The following RBM27 variants were observed in gnomAD, a reference collection of about 807,000 sequenced individuals.
The protein encoded by RBM27 is RNA binding motif protein 27, also known as RNA-binding protein 27.
Under a neutral mutation model 135.3 loss-of-function variants are expected in RBM27, and 22 were observed. The ratio of observed to expected loss-of-function variants is 0.16; its 90% CI spans 0.12 to 0.23. The LOEUF (loss-of-function observed/expected upper bound fraction) is 0.23. RBM27 is among the 10% of genes least tolerant of loss of function. RBM27 has a pLI of 1.00. For missense variants in RBM27, 1,009 were observed against 1,281.0 expected (o/e 0.79, Z 3.24); for synonymous variants, 481 against 442.4 (o/e 1.09, Z -1.10).
rs1465138631 is a variant in RBM27 at position 146,286,619 on chromosome 5, A to G, written c.*589A>G. ...TTTTTATGTGTGGTAGTACTAGTTC[A>G]GTGAAAATCACAACAAACTGTGTGT... On this transcript the variant is annotated 3_prime_UTR_variant, in exon 21 of 21. Coordinates refer to ENST00000265271, the MANE Select transcript of RBM27 (RefSeq NM_018989.2). The G allele has an allele frequency of 6.6e-6, 1 of 151,730 alleles. No individual in the cohort carries two copies. The highest frequency in any genetic ancestry group is 1.5e-5 in the Non-Finnish European group (1 of 68,020). The allele number at this position is 151,730 out of a possible 1,614,324, so 9.4% of individuals were successfully genotyped here.
chr5:146,265,373 A>G (rs572723266), intron 14 of RBM27, among the ~76,000 whole-genome samples: 3 of 152,316 alleles, frequency 2.0e-5, no homozygotes, highest in South Asian at 4.1e-4. Context: ...TGGTGTGAAA[A>G]AGTAGAGGCA....
At chr5:146,278,862 C>T (rs1466437073) in intron 19 of RBM27, among the ~76,000 whole-genome samples, 1 of 151,810 alleles carries the variant, frequency 6.6e-6, no homozygotes, top group Non-Finnish European at 1.5e-5. Context: ...GCTGGGACTA[C>T]AGGCACTCGC....
chr5:146,257,058 G>T (rs752909347), intron 10 of RBM27, among the ~76,000 whole-genome samples: 2 of 152,138 alleles, frequency 1.3e-5, no homozygotes, highest in South Asian at 4.1e-4. Context: ...CAAGGATCAC[G>T]TCTATTTTAT....
At chr5:146,263,736 A>G in intron 14 of RBM27, 105 bp downstream of exon 14, 1 of 1,317,822 alleles carries the variant, frequency 7.6e-7, no homozygotes, top group Non-Finnish European at 1.0e-6. Context: ...CAGTTAACCT[A>G]AGTGTGGCAG....
At chr5:146,271,697 G>A (rs747898553) in intron 19 of RBM27, 23 bp downstream of exon 19, 56 of 1,578,448 alleles carry the variant, frequency 3.5e-5, no homozygotes, top group Non-Finnish European at 4.7e-5. Flanking sequence ...AATAGCAAAT[G>A]CTAACTGTAA....
rs1374539534 is a variant in RBM27, at chr5:146,286,234, A to G, written c.*204A>G. 8 of 453,782 alleles carry G rather than the reference A, an allele frequency of 1.8e-5. No individual in the cohort carries two copies. The highest frequency in any genetic ancestry group is 3.1e-5 in the Non-Finnish European group (8 of 259,916). The allele number at this position is 453,782 out of a possible 1,614,324, so 28.1% of individuals were successfully genotyped here. ...GCACCAAAGGCCTAGTGACTTTTAC[A>G]CAGTTGTGAAGATCCACAGCAATGA... is the stretch of plus-strand genomic sequence containing the variant. On this transcript the variant is annotated 3_prime_UTR_variant, in exon 21 of 21. Transcript: ENST00000265271.
chr5:146,238,548 C>A (rs947591288), intron 8 of RBM27, among the ~76,000 whole-genome samples: 2 of 152,006 alleles, frequency 1.3e-5, no homozygotes, highest in African/African-American at 4.8e-5. Context: ...AATCCTAATT[C>A]TCTTTTGTTT....
intron 14 of RBM27, among the ~76,000 whole-genome samples, chr5:146,264,347 C>T (rs1348776053): frequency 6.6e-6 from 1 of 151,782 alleles, no homozygotes; most frequent in African/African-American, 2.4e-5. Context: ...CCATGCCCAG[C>T]TGATTTTGTA....
At chr5:146,232,045 G>A (rs1756956209) in intron 6 of RBM27, among the ~76,000 whole-genome samples, 2 of 152,112 alleles carry the variant, frequency 1.3e-5, no homozygotes, top group Non-Finnish European at 2.9e-5. Flanking sequence ...TTTTTATTAT[G>A]GAAGTATTTA....
chr5:146,229,636 A>G, intron 4 of RBM27, 81 bp from the exon 5 acceptor site: 1 of 1,189,804 alleles, frequency 8.4e-7, no homozygotes. Flanking sequence ...GGATGACTCA[A>G]GAGTAGTATT....
intron 19 of RBM27, among the ~76,000 whole-genome samples, chr5:146,284,096 A>G (rs539166392): frequency 1.3e-5 from 2 of 152,314 alleles, no homozygotes; most frequent in African/African-American, 4.8e-5. Context: ...AGTATTAGGC[A>G]TTTGTTTAAT....
chr5:146,221,030 A>G (rs2126716133), intron 2 of RBM27, among the ~76,000 whole-genome samples: 1 of 152,148 alleles, frequency 6.6e-6, no homozygotes, highest in South Asian at 2.1e-4. Context: ...ATCCTGGCTA[A>G]CAGGGTGAAA....
At chr5:146,207,638 G>T (rs1755748403) in intron 1 of RBM27, among the ~76,000 whole-genome samples, 1 of 150,926 alleles carries the variant, frequency 6.6e-6, no homozygotes, top group Non-Finnish European at 1.5e-5. Flanking sequence ...TGAAACATAT[G>T]CATGTAACGG....
At chr5:146,259,504 CAAAAA>C (rs35438348) in intron 11 of RBM27, among the ~76,000 whole-genome samples, 23 of 61,646 alleles carry the variant, frequency 3.7e-4, no homozygotes, top group African/African-American at 1.5e-3. Context: ...AACTCTGTCT[CAAAAA>C]AAAAAAAAAA....
intron 7 of RBM27, among the ~76,000 whole-genome samples, chr5:146,234,231 A>G (rs1757068035): frequency 1.3e-5 from 2 of 152,204 alleles, no homozygotes; most frequent in South Asian, 4.1e-4. Flanking sequence ...GAAATTTTCC[A>G]GTCTTTAAGG....
At chr5:146,241,735 A>T (rs955584843) in intron 8 of RBM27, among the ~76,000 whole-genome samples, 37 of 152,134 alleles carry the variant, frequency 2.4e-4, no homozygotes, top group African/African-American at 8.9e-4. Context: ...CTGGGATTAC[A>T]AGTGTGAGCC....
intron 19 of RBM27, among the ~76,000 whole-genome samples, chr5:146,275,143 G>A (rs2126896477): frequency 6.6e-6 from 1 of 151,344 alleles, no homozygotes; most frequent in Non-Finnish European, 1.5e-5. Context: ...CCCCTGGTAT[G>A]TTATTATGTT....
At chr5:146,240,570 G>C (rs1043982384) in intron 8 of RBM27, among the ~76,000 whole-genome samples, 5 of 152,086 alleles carry the variant, frequency 3.3e-5, no homozygotes, top group African/African-American at 1.2e-4. Flanking sequence ...CAGGTGATCC[G>C]CCTGCCTTGG....
intron 1 of RBM27, among the ~76,000 whole-genome samples, chr5:146,214,081 A>G (rs1308414112): frequency 6.6e-6 from 1 of 152,210 alleles, no homozygotes; most frequent in Non-Finnish European, 1.5e-5. Flanking sequence ...AACAGATTTT[A>G]CTTGTGTGGA....
Sources: gnomAD v4.1 joint callset for allele counts (sites outside exome capture counted in the v4.1 genomes callset) on GRCh38, gnomAD v4.1.1 for gene constraint, MANE v1.5 for transcripts, NCBI Gene and HGNC (gene_info 2026-07-23, HGNC 2026-07-21) for gene names.